Variants in ANKRD30A observed in about 807,000 individuals in gnomAD.
ANKRD30A encodes ankyrin repeat domain-containing protein 30A.
In ANKRD30A, 170 loss-of-function variants were observed where a neutral mutation model predicts 166.3. The observed-to-expected ratio is 1.02, with a 90% CI of 0.90 to 1.16. The LOEUF is 1.16. Ranked by LOEUF, ANKRD30A falls within the 50% of genes most tolerant of loss-of-function variation. ANKRD30A has a pLI of 0.00. For synonymous variants in ANKRD30A, 564 were observed against 508.9 expected (o/e 1.11, Z -1.46); for missense variants, 1,630 against 1,518.0 (o/e 1.07, Z -1.23).
At chr10:37,164,814 A>G (rs1158152775) in intron 17 of ANKRD30A, among the ~76,000 whole-genome samples, 2 of 152,120 alleles carry the variant, frequency 1.3e-5, no homozygotes, top group African/African-American at 4.8e-5. Context: ...TGTGTTTCAC[A>G]GGAGAATAGG....
Position 37,231,537 on chromosome 10 carries a change from G to A in ANKRD30A, c.*68G>A. The A allele has an allele frequency of 1.5e-6, 2 of 1,371,318 alleles. No individual in the cohort carries two copies. Among genetic ancestry groups the A allele is most frequent in the East Asian group, 2.4e-5 (1 of 41,330 alleles). 84.9% of individuals were successfully genotyped at this position (1,371,318 alleles called of 1,614,324 possible). Reference sequence around the variant, plus strand: ...AGATCTTTACTCACAACTCATGCTAGGAGGCCAGTCCTAGCATCACCTTAT... The same window carrying A: ...AGATCTTTACTCACAACTCATGCTAAGAGGCCAGTCCTAGCATCACCTTAT... On this transcript the variant is annotated 3_prime_UTR_variant, in exon 35 of 36. Transcript: ENST00000361713.
At chr10:37,228,697 G>A (rs889564184) in intron 34 of ANKRD30A, among the ~76,000 whole-genome samples, 1 of 151,870 alleles carries the variant, frequency 6.6e-6, no homozygotes, top group Non-Finnish European at 1.5e-5. Context: ...AGGAATTTTA[G>A]GAAATCTTTC....
At chr10:37,258,343 T>G in the ANKRD30A span, among the ~76,000 whole-genome samples, 2 of 152,166 alleles carry the variant, frequency 1.3e-5, no homozygotes, top group African/African-American at 4.8e-5. Context: ...AAGAAAGTTC[T>G]GAAGAAGAAC....
At chr10:37,196,935 A>G (rs1841181056) in intron 27 of ANKRD30A, among the ~76,000 whole-genome samples, 1 of 152,206 alleles carries the variant, frequency 6.6e-6, no homozygotes, top group Non-Finnish European at 1.5e-5. Context: ...GAACAGGATG[A>G]ATGGAATAAT....
At chr10:37,131,462 C>CT (rs1836374024) in intron 3 of ANKRD30A, among the ~76,000 whole-genome samples, 1 of 152,124 alleles carries the variant, frequency 6.6e-6, no homozygotes, top group Non-Finnish European at 1.5e-5. Flanking sequence ...GGAGAAACCC[C>CT]ATGGACCATT....
intron 5 of ANKRD30A, 68 bp downstream of exon 5, chr10:37,134,121 T>A (rs1836536963): frequency 6.4e-7 from 1 of 1,562,788 alleles, no homozygotes; most frequent in Admixed American, 1.7e-5. Context: ...TGAATTACAG[T>A]GAGTTCACTT....
chr10:37,138,569 A>G (rs1382594658), intron 6 of ANKRD30A, among the ~76,000 whole-genome samples: 1 of 152,226 alleles, frequency 6.6e-6, no homozygotes, highest in Non-Finnish European at 1.5e-5. Context: ...CACGAGAACT[A>G]TGTGACGAAT....
chr10:37,201,257 A>G lies in ANKRD30A; in HGVS notation c.2801A>G (p.Gln934Arg). ...DSESLRETVS[Q>R]KDVCVPKATH... Reference sequence around the variant, plus strand: ...CAGAGTCTCCGTGAGACTGTTTCACAGAAGGATGTGTGTGTACCCAAGGCT... The same window carrying G: ...CAGAGTCTCCGTGAGACTGTTTCACGGAAGGATGTGTGTGTACCCAAGGCT... The change falls in exon 31 of 36, where the codon CAG becomes CGG. Residue 934 changes from glutamine (Q) to arginine (R), a missense_variant. Physicochemically the swap from Gln to Arg is conservative, Grantham distance 43. Coordinates refer to ENST00000361713, the MANE Select transcript of ANKRD30A (RefSeq NM_052997.3). 6.3e-7 allele frequency: 1 copy of G among 1,588,378 alleles called. No homozygotes were observed. Among genetic ancestry groups the G allele is most frequent in the Non-Finnish European group, 8.5e-7 (1 of 1,170,074 alleles).
At chr10:37,213,290 C>G (rs1303926553) in intron 31 of ANKRD30A, among the ~76,000 whole-genome samples, 2 of 151,762 alleles carry the variant, frequency 1.3e-5, no homozygotes. Context: ...CATGATTCAT[C>G]GATGCACTGT....
intron 24 of ANKRD30A, chr10:37,184,380 C>A (rs1588878329): frequency 1.2e-4 from 5 of 41,316 alleles, no homozygotes; most frequent in East Asian, 7.1e-4. Context: ...TAGAAGCATT[C>A]AAGTCAGGTA....
rs777208649 is a variant in ANKRD30A, at chr10:37,219,427, G to A, written c.3715G>A (p.Val1239Met). 1 of 1,610,438 alleles carries A rather than the reference G, an allele frequency of 6.2e-7. No individual in the cohort carries two copies. Among genetic ancestry groups the A allele is most frequent in the East Asian group, 2.2e-5 (1 of 44,736 alleles). The change falls in exon 34 of 36, where the codon GTG (valine) becomes ATG (methionine). Residue 1239 changes from valine to methionine, a missense_variant. This residue lies in a region of ANKRD30A where 712 missense variants were observed against 629.3 expected (regional missense o/e 1.13). Coordinates refer to ENST00000361713, the MANE Select transcript of ANKRD30A (RefSeq NM_052997.3). Reference sequence around the variant, plus strand: ...TTTGCAAAGAAAAATGAATGTTGATGTGAGTAGTACGATATATAACAATGA... The same window carrying A: ...TTTGCAAAGAAAAATGAATGTTGATATGAGTAGTACGATATATAACAATGA... ...ACLQRKMNVD[V>M]SSTIYNNEVL...
At chr10:37,162,571 A>C (rs41276122) in intron 15 of ANKRD30A, 78 bp from the exon 16 acceptor site, 105 of 1,572,408 alleles carry the variant, frequency 6.7e-5, no homozygotes, top group African/African-American at 1.4e-4. Flanking sequence ...GAGTCAGTTA[A>C]ATACTATCAC....
chr10:37,153,839 G>A (rs369106771), intron 13 of ANKRD30A, among the ~76,000 whole-genome samples, 177 bp downstream of exon 13: 2 of 152,158 alleles, frequency 1.3e-5, no homozygotes, highest in African/African-American at 4.8e-5. Context: ...AGACTATATT[G>A]AGAGTGCTGA....
At position 37,141,510 on chromosome 10, in the gene ANKRD30A, T is replaced by C. The variant is rs543174567; in HGVS notation, c.821-208T>C. Among the ~76,000 whole-genome samples the C allele has an allele frequency of 2.7e-5, 4 of 149,378 alleles. No individual in the cohort carries two copies. In the East Asian group the frequency reaches 7.9e-4, roughly 30 times the overall value. ...GCTTGAGGTAGGAGAATTGCTTGAA[T>C]TGCATTGAGCTGAGATCACACCACT... On this transcript the variant is annotated intron_variant, in intron 6 of 35. Coordinates refer to ENST00000361713, the MANE Select transcript of ANKRD30A (RefSeq NM_052997.3).
intron 27 of ANKRD30A, among the ~76,000 whole-genome samples, chr10:37,193,844 T>C (rs1025673110): frequency 2.6e-5 from 4 of 152,106 alleles, no homozygotes; most frequent in African/African-American, 7.2e-5. Context: ...ATGAATTGCC[T>C]AGAGGTACAA....
intron 19 of ANKRD30A, among the ~76,000 whole-genome samples, chr10:37,167,285 CA>C (rs1205006171): frequency 4.3e-5 from 4 of 92,378 alleles, no homozygotes; most frequent in African/African-American, 2.1e-4. Context: ...TATGAGGCGT[CA>C]AATATATATA....
rs1331779932 is a variant in ANKRD30A, at chr10:37,125,932, G to C, written c.145G>C (p.Gly49Arg). 5 of 1,611,910 alleles carry C rather than the reference G, an allele frequency of 3.1e-6. No homozygotes were observed. The highest frequency in any genetic ancestry group is 4.2e-6 in the Non-Finnish European group (5 of 1,179,804). The change falls in exon 1 of 36, where the codon GGA becomes CGA. Residue 49 changes from glycine to arginine, a missense_variant. Transcript: ENST00000361713. ...LRKIHKAASR[G>R]QVRKLEKMTK... ...AAAGATCCATAAAGCTGCCTCCCGG[G>C]GACAAGTCCGGAAGCTGGAGAAGAT...
At chr10:37,172,028 C>G (rs1839605720) in intron 21 of ANKRD30A, among the ~76,000 whole-genome samples, 1 of 145,164 alleles carries the variant, frequency 6.9e-6, no homozygotes, top group African/African-American at 2.6e-5. Context: ...AAAACATAAA[C>G]AAAAGATAGT....
chr10:37,216,067 C>T (rs765414016), intron 31 of ANKRD30A, 114 bp from the exon 32 acceptor site: 19 of 637,226 alleles, frequency 3.0e-5, no homozygotes, highest in East Asian at 6.1e-5. Context: ...ATGCCTTCCA[C>T]GTGGTAGGCA....
Sources: allele counts gnomAD v4.1 joint callset (sites outside exome capture counted in the v4.1 genomes callset), GRCh38; gene constraint gnomAD v4.1.1; regional missense constraint gnomAD v4.1.1; transcripts MANE v1.5; gene names NCBI Gene and HGNC (gene_info 2026-07-23, HGNC 2026-07-21).